Variants in PTPRD observed in about 807,000 individuals in gnomAD.
PTPRD encodes protein tyrosine phosphatase receptor type D, also known as receptor-type tyrosine-protein phosphatase delta.
A neutral mutation model predicts 214.5 loss-of-function variants in PTPRD; 34 were observed. The ratio of observed to expected loss-of-function variants is 0.16; its 90% confidence interval spans 0.12 to 0.21. PTPRD has a LOEUF of 0.21. Among genes scored for constraint, PTPRD ranks in the 10% least tolerant of loss-of-function variants. The probability of loss-of-function intolerance (pLI) is 1.00; values close to 1 mark genes in which losing one functional copy is unlikely to be tolerated. For missense variants in PTPRD, 2,545 were observed against 2,398.7 expected (o/e 1.06, Z -1.27); for synonymous variants, 1,128 against 845.7 (o/e 1.33, Z -5.79).
chr9:9,942,104 C>T (rs2091609381), intron 4 of PTPRD, among the ~76,000 whole-genome samples: 1 of 152,156 alleles, frequency 6.6e-6, no homozygotes, highest in Non-Finnish European at 1.5e-5. Flanking sequence ...ATATTACTCT[C>T]ACACTTGCCT....
At chr9:9,197,358 C>T (rs966346495) in intron 9 of PTPRD, among the ~76,000 whole-genome samples, 10 of 152,152 alleles carry the variant, frequency 6.6e-5, no homozygotes, top group African/African-American at 2.2e-4. Flanking sequence ...GACTGGTGGT[C>T]GTCTTCAGCT....
At chr9:9,165,731 T>A (rs2130735299) in intron 10 of PTPRD, among the ~76,000 whole-genome samples, 1 of 152,290 alleles carries the variant, frequency 6.6e-6, no homozygotes, top group Middle Eastern at 3.4e-3. Context: ...AACAAGGAGA[T>A]AAGTTAGAAG....
chr9:10,039,273 A>T (rs1030990412), intron 3 of PTPRD, among the ~76,000 whole-genome samples: 1 of 152,110 alleles, frequency 6.6e-6, no homozygotes, highest in East Asian at 1.9e-4. Flanking sequence ...ATCAACAGAA[A>T]ATGAATACAA....
intron 8 of PTPRD, among the ~76,000 whole-genome samples, chr9:9,544,802 T>C (rs1426781521): frequency 6.6e-6 from 1 of 151,684 alleles, no homozygotes; most frequent in African/African-American, 2.4e-5. Context: ...TGTTTTAGAT[T>C]TGGTATTCTG....
chr9:10,066,986 T>C (rs974844247), intron 3 of PTPRD, among the ~76,000 whole-genome samples: 6 of 151,162 alleles, frequency 4.0e-5, no homozygotes, highest in African/African-American at 1.5e-4. Context: ...ATAGGCTAGG[T>C]TTCAGAAGAT....
chr9:9,564,884 G>GTTTTTTTTGTTTTTTTTTTTTTTTTTTTT (rs2083972817), intron 8 of PTPRD, among the ~76,000 whole-genome samples: 1 of 48,842 alleles, frequency 2.0e-5, no homozygotes, highest in African/African-American at 6.9e-5. Flanking sequence ...TGAATCTTCT[G>GTTTTTTTTGTTTTTTTTTTTTTTTTTTTT]TTTTTTTTTT....
chr9:9,892,322 C>A (rs79758793), intron 5 of PTPRD, among the ~76,000 whole-genome samples: 1 of 152,028 alleles, frequency 6.6e-6, no homozygotes, highest in East Asian at 1.9e-4. Flanking sequence ...GAACAGTCCC[C>A]GCTGGCTTTC....
At chr9:9,364,741 G>T (rs2057375510) in intron 9 of PTPRD, among the ~76,000 whole-genome samples, 1 of 151,482 alleles carries the variant, frequency 6.6e-6, no homozygotes, top group Admixed American at 6.6e-5. Flanking sequence ...GCTGCTATAA[G>T]AATTGTGGCT....
chr9:10,442,753 T>C (rs1221231027), intron 2 of PTPRD, among the ~76,000 whole-genome samples: 5 of 151,546 alleles, frequency 3.3e-5, no homozygotes, highest in Admixed American at 2.6e-4. Flanking sequence ...AAAACCATTG[T>C]TAAATGTTGT....
At chr9:10,511,985 T>C (rs1566641719) in intron 2 of PTPRD, among the ~76,000 whole-genome samples, 1 of 98,394 alleles carries the variant, frequency 1.0e-5, no homozygotes, top group Non-Finnish European at 2.1e-5. Flanking sequence ...TGTATATATA[T>C]ATACGTGTGT....
At chr9:9,371,699 G>A (rs1194751407) in intron 9 of PTPRD, among the ~76,000 whole-genome samples, 3 of 152,014 alleles carry the variant, frequency 2.0e-5, no homozygotes, top group South Asian at 2.1e-4. Context: ...TTTTAATTGC[G>A]ATGTTAGGGT....
chr9:10,556,269 T>G (rs936466598), intron 2 of PTPRD, among the ~76,000 whole-genome samples: 1 of 151,866 alleles, frequency 6.6e-6, no homozygotes, highest in Non-Finnish European at 1.5e-5. Context: ...AAATGTTAGG[T>G]AGAAATGTAA....
intron 10 of PTPRD, among the ~76,000 whole-genome samples, chr9:9,054,960 C>T (rs1435147907): frequency 6.6e-6 from 1 of 152,160 alleles, no homozygotes; most frequent in East Asian, 1.9e-4. Context: ...GTCTATATAA[C>T]ATGATATTCA....
At chr9:10,477,118 CA>C (rs1326543548) in intron 2 of PTPRD, among the ~76,000 whole-genome samples, 1 of 151,966 alleles carries the variant, frequency 6.6e-6, no homozygotes, top group Non-Finnish European at 1.5e-5. Context: ...CAACATAAGC[CA>C]AAACTGACAA....
intron 9 of PTPRD, among the ~76,000 whole-genome samples, chr9:9,343,798 G>A (rs1414879634): frequency 1.3e-5 from 2 of 151,526 alleles, no homozygotes; most frequent in African/African-American, 4.8e-5. Flanking sequence ...TTTAAAAATA[G>A]CAATGAAATG....
intron 3 of PTPRD, among the ~76,000 whole-genome samples, chr9:10,163,709 T>A (rs73641862): frequency 0.048 from 7,321 of 151,452 alleles, 555 homozygotes; most frequent in African/African-American, 0.17. Context: ...CAAAGCACAA[T>A]ATATTCTCAA....
intron 11 of PTPRD, among the ~76,000 whole-genome samples, chr9:8,988,948 A>G (rs1426973869): frequency 1.3e-5 from 2 of 152,122 alleles, no homozygotes; most frequent in African/African-American, 4.8e-5. Context: ...TGGGAAAGCT[A>G]GATTCAGTTT....
At chr9:9,381,289 T>G (rs1224535997) in intron 9 of PTPRD, among the ~76,000 whole-genome samples, 1 of 152,062 alleles carries the variant, frequency 6.6e-6, no homozygotes, top group Non-Finnish European at 1.5e-5. Flanking sequence ...ACTCTTTTAC[T>G]GCCTTGAGTA....
chr9:10,444,921 A>G (rs1466985737), intron 2 of PTPRD, among the ~76,000 whole-genome samples: 2 of 152,004 alleles, frequency 1.3e-5, no homozygotes, highest in Admixed American at 6.6e-5. Flanking sequence ...ATAGAGTAGG[A>G]AAAATTGTAC....
Sources: gnomAD v4.1 joint callset for allele counts (sites outside exome capture counted in the v4.1 genomes callset) on GRCh38, gnomAD v4.1.1 for gene constraint, MANE v1.5 for transcripts, NCBI Gene and HGNC (gene_info 2026-07-23, HGNC 2026-07-21) for gene names.